CREB5: variants seen among roughly 807,000 people sequenced by gnomAD.
The protein encoded by CREB5 is cAMP responsive element binding protein 5.
Under a neutral mutation model 57.1 loss-of-function variants are expected in CREB5, and 19 were observed. The ratio of observed to expected loss-of-function variants is 0.33; its 90% CI spans 0.23 to 0.49. The LOEUF (loss-of-function observed/expected upper bound fraction) is 0.49, where lower values mean the gene tolerates loss of function less well. Among genes scored for constraint, CREB5 ranks in the 20% least tolerant of loss-of-function variants. The pLI is 0.99. For missense variants in CREB5, 579 were observed against 671.6 expected, an observed-to-expected ratio of 0.86 and a Z score of 1.52; for synonymous variants, 238 against 238.3, an observed-to-expected ratio of 1.00 and a Z score of 0.01.
upstream of CREB5, chr7:28,410,219 G>C (rs956740960): frequency 4.4e-6 from 2 of 453,750 alleles, no homozygotes; most frequent in Non-Finnish European, 8.8e-6. Flanking sequence ...GGCGCTCCGG[G>C]CTGGAGAGCG....
intron 1 of CREB5, among the ~76,000 whole-genome samples, chr7:28,443,504 G>T (rs1217246952): frequency 2.0e-5 from 3 of 152,168 alleles, no homozygotes; most frequent in Non-Finnish European, 4.4e-5. Flanking sequence ...TACCTCTGCT[G>T]CTAGGACATA....
intron 1 of CREB5, among the ~76,000 whole-genome samples, chr7:28,426,194 C>T (rs765012395): frequency 6.6e-6 from 1 of 152,180 alleles, no homozygotes; most frequent in Non-Finnish European, 1.5e-5. Flanking sequence ...ACCTTCATAA[C>T]AAACTTAGCA....
chr7:28,579,255 C>T (rs1329212192), intron 5 of CREB5, among the ~76,000 whole-genome samples: 1 of 152,236 alleles, frequency 6.6e-6, no homozygotes, highest in South Asian at 2.1e-4. Context: ...CACCCTACAA[C>T]AACACTACTT....
intron 5 of CREB5, among the ~76,000 whole-genome samples, chr7:28,611,801 T>C (rs752738393): frequency 3.9e-5 from 6 of 152,076 alleles, no homozygotes; most frequent in Non-Finnish European, 5.9e-5. Flanking sequence ...AACTGTTCTA[T>C]ATCATGGTTG....
chr7:28,409,991 G>T (rs1280838501), upstream of CREB5: 1 of 454,158 alleles, frequency 2.2e-6, no homozygotes, highest in Non-Finnish European at 4.4e-6. This position sits in a 1 kb window ranked among gnomAD's most constrained non-coding sequence, Gnocchi z 4.4. Flanking sequence ...GCTTCCCAGC[G>T]TGGCGGCGGA....
rs145540155 is a variant in CREB5, at chr7:28,632,990, T to C, written c.464+62453T>C. 4.1e-3 allele frequency among the ~76,000 whole-genome samples: 629 copies of C among 152,296 alleles called. 2 individuals carry two copies. The highest frequency in any genetic ancestry group is 0.014 in the African/African-American group (594 of 41,568). ...GATGGCTGAAAGATGAATGTTTGAATAGATTGAGTGATAACAAGAGCTAAG... is the reference window on the plus strand; with the variant it reads ...GATGGCTGAAAGATGAATGTTTGAACAGATTGAGTGATAACAAGAGCTAAG... On this transcript the variant is annotated intron_variant, in intron 5 of 10. Transcript: ENST00000357727.
At chr7:28,319,201 T>G (rs936379811) in intron 1 of CREB5, among the ~76,000 whole-genome samples, 2 of 151,998 alleles carry the variant, frequency 1.3e-5, no homozygotes, top group Admixed American at 1.3e-4. Context: ...CTAATAGGTG[T>G]GCCATATTAC....
intron 5 of CREB5, among the ~76,000 whole-genome samples, chr7:28,619,917 A>G (rs972462727): frequency 1.3e-5 from 2 of 152,160 alleles, no homozygotes; most frequent in African/African-American, 4.8e-5. Flanking sequence ...GAAGAGGCAG[A>G]GCCTCTTCTG....
intron 1 of CREB5, among the ~76,000 whole-genome samples, chr7:28,485,732 C>T (rs540843216): frequency 7.9e-5 from 12 of 152,194 alleles, no homozygotes; most frequent in South Asian, 6.2e-4. Flanking sequence ...AGCATTTAAA[C>T]GAATTTACTA....
Position 28,306,551 on chromosome 7 carries a change from TTTTG to T in CREB5, c.-25+7114_-25+7117del, listed in dbSNP as rs1331608653. On this transcript the variant is annotated intron_variant, in intron 1 of 9. Coordinates refer to the CREB5 transcript ENST00000396299. Reference sequence around the variant, plus strand: ...GTACATACAGATACAGTTTTGTTTTTTTTGTTTTTTTTTTTTTTTTTTTTTTTGA... The same window carrying T: ...GTACATACAGATACAGTTTTGTTTTTTTTTTTTTTTTTTTTTTTTTTTTGA... Among the ~76,000 whole-genome samples, 177 of 93,402 alleles carry T rather than the reference TTTTG, an allele frequency of 1.9e-3. 10 individuals are homozygous for T. The highest frequency in any genetic ancestry group is 9.1e-3 in the South Asian group (23 of 2,530). The allele number at this position is 93,402 out of a possible 152,430, so 61.3% of individuals were successfully genotyped here. A position where few individuals can be genotyped will look rare whatever the true frequency, so the allele number is the denominator to read the frequency against.
At chr7:28,359,262 G>A (rs898442245) in intron 1 of CREB5, among the ~76,000 whole-genome samples, 2 of 149,738 alleles carry the variant, frequency 1.3e-5, no homozygotes, top group Admixed American at 6.6e-5. Context: ...TGGATAAAGA[G>A]ATAGTTGAGA....
chr7:28,622,159 C>T (rs1373392655), intron 5 of CREB5, among the ~76,000 whole-genome samples: 1 of 152,032 alleles, frequency 6.6e-6, no homozygotes, highest in African/African-American at 2.4e-5. Context: ...CAACAATTAA[C>T]GTGTTTTCCT....
At chr7:28,765,404 C>G (rs1805908298) in intron 7 of CREB5, among the ~76,000 whole-genome samples, 1 of 152,214 alleles carries the variant, frequency 6.6e-6, no homozygotes, top group South Asian at 2.1e-4. Context: ...ACATTCCATT[C>G]CAACAAACAT....
chr7:28,560,964 G>GCA (rs1795217706), intron 4 of CREB5, among the ~76,000 whole-genome samples: 2 of 61,748 alleles, frequency 3.2e-5, no homozygotes, highest in Non-Finnish European at 6.4e-5. Context: ...GTGTGTGCGT[G>GCA]TGTGTGTGCG....
In CREB5 at chr7:28,804,643, T is replaced by G. The variant is rs1182606685; in HGVS notation, c.1026+121T>G. On this transcript the variant is annotated intron_variant, in intron 8 of 10. Transcript: ENST00000357727. ...AGCCCAGGTGTTCTATCTCACATTC[T>G]AGGGGCTCTGTTTATCTCCTAGGAG... The G allele has an allele frequency of 4.0e-6, 5 of 1,251,682 alleles. No individual in the cohort carries two copies. The Admixed American group carries it at 9.4e-5, about 23-fold the overall frequency. The allele number at this position is 1,251,682 out of a possible 1,614,324, so 77.5% of individuals were successfully genotyped here.
rs1404413065 is a variant in CREB5, at chr7:28,345,648, G to C, written c.-25+46207G>C. On this transcript the variant is annotated intron_variant, in intron 1 of 9. Transcript: ENST00000396299. ...CTAGACACACTGTTCAAGGGGGCAG[G>C]AGTTAGCAATATCTTGTGTTGGTTC... 3.9e-5 allele frequency among the ~76,000 whole-genome samples: 6 copies of C among 152,188 alleles called. No individual in the cohort carries two copies. The East Asian group carries it at 1.2e-3, about 29-fold the overall frequency.
At chr7:28,582,802 G>A (rs544699860) in intron 5 of CREB5, among the ~76,000 whole-genome samples, 13 of 152,210 alleles carry the variant, frequency 8.5e-5, no homozygotes, top group Middle Eastern at 3.4e-3. Context: ...AAAGTTAGAC[G>A]GCAGACCCCA....
At chr7:28,379,930 C>G (rs1038425464) in intron 1 of CREB5, among the ~76,000 whole-genome samples, 1 of 152,170 alleles carries the variant, frequency 6.6e-6, no homozygotes, top group Non-Finnish European at 1.5e-5. Flanking sequence ...CGCTCTGTCA[C>G]CCAGGCTGCA....
At chr7:28,718,975 G>C in intron 6 of CREB5, 96 bp downstream of exon 6, 1 of 1,565,252 alleles carries the variant, frequency 6.4e-7, no homozygotes, top group South Asian at 1.2e-5. Flanking sequence ...CAAGCTGATG[G>C]GAAAGAAGGC....
Sources: allele counts gnomAD v4.1 joint callset (sites outside exome capture counted in the v4.1 genomes callset), GRCh38; gene constraint gnomAD v4.1.1; non-coding constraint Gnocchi (gnomAD v3.1); transcripts MANE v1.5; gene names NCBI Gene and HGNC (gene_info 2026-07-23, HGNC 2026-07-21).